Variants in PGM5 observed in about 807,000 individuals in gnomAD.
PGM5 encodes the protein phosphoglucomutase 5.
In PGM5, 23 loss-of-function variants were observed where a neutral mutation model predicts 59.2. The ratio of observed to expected loss-of-function variants is 0.39; its 90% CI spans 0.28 to 0.55. The LOEUF is 0.55. Among genes scored for constraint, PGM5 ranks in the 20% least tolerant of loss-of-function variants. PGM5 has a pLI of 0.66. For missense variants in PGM5, 574 were observed against 748.3 expected (o/e 0.77, Z 2.72); for synonymous variants, 214 against 286.0 (o/e 0.75, Z 2.54).
At chr9:68,511,550 T>TC (rs1824750709) in intron 10 of PGM5, among the ~76,000 whole-genome samples, 1 of 111,524 alleles carries the variant, frequency 9.0e-6, no homozygotes, top group African/African-American at 3.2e-5. Context: ...TTTGCCTTTT[T>TC]TTTTTTTTTT....
At chr9:68,423,930 T>C (rs1823191018) in intron 6 of PGM5, among the ~76,000 whole-genome samples, 1 of 152,176 alleles carries the variant, frequency 6.6e-6, no homozygotes. Flanking sequence ...AAGACTGGGC[T>C]GAATTTGAGG....
At chr9:68,503,737 G>A (rs964006598) in intron 10 of PGM5, among the ~76,000 whole-genome samples, 11 of 152,326 alleles carry the variant, frequency 7.2e-5, no homozygotes, top group African/African-American at 2.4e-4. Context: ...TCAGCTCAGA[G>A]GTTCTCAACC....
At chr9:68,490,001 G>T (rs1344621089) in intron 9 of PGM5, among the ~76,000 whole-genome samples, 6 of 152,202 alleles carry the variant, frequency 3.9e-5, no homozygotes, top group Non-Finnish European at 8.8e-5. Context: ...CAGAGAAAAA[G>T]CACACTTTGA....
intron 1 of PGM5, among the ~76,000 whole-genome samples, chr9:68,370,664 G>A (rs1554677088): frequency 6.6e-6 from 1 of 152,172 alleles, no homozygotes. Context: ...ATCTTTCTTT[G>A]GACACTGGTC....
chr9:68,402,705 G>C (rs1822703487), intron 6 of PGM5, among the ~76,000 whole-genome samples: 1 of 152,194 alleles, frequency 6.6e-6, no homozygotes, highest in South Asian at 2.1e-4. Flanking sequence ...GCTTTGTGAA[G>C]CCACCAGAGA....
intron 1 of PGM5, chr9:68,357,810 C>T (rs1834494613): frequency 8.0e-6 from 2 of 250,992 alleles, no homozygotes; most frequent in African/African-American, 4.7e-5. Context: ...AAACTTCTTT[C>T]GCAGGCTCAC....
chr9:68,439,559 A>T (rs925655590), intron 6 of PGM5, among the ~76,000 whole-genome samples: 6 of 147,322 alleles, frequency 4.1e-5, no homozygotes, highest in South Asian at 4.2e-4. Context: ...TTCTCAGAAG[A>T]TGATCAAACA....
In PGM5 at chr9:68,465,106, A is replaced by G. The variant is rs781910120; in HGVS notation, c.1057A>G (p.Met353Val). The change falls in exon 7 of 11, where the codon ATG becomes GTG. Residue 353 changes from methionine (M) to valine (V), a missense_variant. Physicochemically the swap from Met to Val is conservative, Grantham distance 21. This residue lies in a region of PGM5 where 300 missense variants were observed against 280.0 expected (regional missense o/e 1.07). Transcript: ENST00000396396. ...TTCATTTTTCAGAGTGGCCAAATCA[A>G]TGAAGGTCCCTGTATATGAGACCCC... is the stretch of plus-strand genomic sequence containing the variant. ...SMALDRVAKS[M>V]KVPVYETPAG... The G allele has an allele frequency of 3.8e-5, 61 of 1,605,358 alleles. 1 individual carries two copies. In the South Asian group the frequency reaches 5.2e-4, roughly 14 times the overall value.
chr9:68,404,333 TG>T (rs1822748705), intron 6 of PGM5, among the ~76,000 whole-genome samples: 2 of 152,318 alleles, frequency 1.3e-5, no homozygotes, highest in South Asian at 4.1e-4. Flanking sequence ...TTTGCCATGT[TG>T]GCCAGGCTGG....
chr9:68,485,541 G>A (rs539484064), intron 9 of PGM5, among the ~76,000 whole-genome samples: 4 of 152,268 alleles, frequency 2.6e-5, no homozygotes, highest in South Asian at 2.1e-4. Flanking sequence ...ACATGTGTTT[G>A]CTCCTCCCTC....
At chr9:68,527,232 A>G (rs968199857) in intron 10 of PGM5, among the ~76,000 whole-genome samples, 1 of 152,230 alleles carries the variant, frequency 6.6e-6, no homozygotes, top group African/African-American at 2.4e-5. Context: ...ATTTACAATG[A>G]TGTAAAACTG....
At chr9:68,415,939 T>C (rs1554681948) in intron 6 of PGM5, among the ~76,000 whole-genome samples, 1 of 151,700 alleles carries the variant, frequency 6.6e-6, no homozygotes, top group Non-Finnish European at 1.5e-5. Flanking sequence ...ATAGAAATTA[T>C]GTTTTCTGGG....
intron 6 of PGM5, among the ~76,000 whole-genome samples, chr9:68,439,446 A>C (rs1005682869): frequency 1.1e-4 from 16 of 146,422 alleles, no homozygotes; most frequent in East Asian, 1.9e-4. Context: ...TATATATTAT[A>C]TATGTAAAAT....
chr9:68,504,712 T>C (rs1264445787), intron 10 of PGM5, among the ~76,000 whole-genome samples: 1 of 152,032 alleles, frequency 6.6e-6, no homozygotes, highest in Non-Finnish European at 1.5e-5. Context: ...TCATCATATA[T>C]ATATATATTT....
chr9:68,481,692 A>G (rs1824198905), intron 8 of PGM5, among the ~76,000 whole-genome samples: 1 of 152,250 alleles, frequency 6.6e-6, no homozygotes, highest in African/African-American at 2.4e-5. Context: ...CCAAGAGCTT[A>G]CATGATAATT....
chr9:68,445,451 T>C (rs1339729333), intron 6 of PGM5, among the ~76,000 whole-genome samples: 2 of 152,210 alleles, frequency 1.3e-5, no homozygotes, highest in Admixed American at 1.3e-4. Context: ...CAACTGGACA[T>C]ACCCTTTGAA....
At chr9:68,415,326 A>G (rs1554681891) in intron 6 of PGM5, among the ~76,000 whole-genome samples, 3 of 149,582 alleles carry the variant, frequency 2.0e-5, no homozygotes, top group Non-Finnish European at 4.4e-5. Context: ...GGTTGTTCTG[A>G]GAGGCAGTGA....
intron 7 of PGM5, among the ~76,000 whole-genome samples, chr9:68,477,483 G>T (rs1313899003): frequency 6.6e-6 from 1 of 152,160 alleles, no homozygotes; most frequent in Non-Finnish European, 1.5e-5. Flanking sequence ...CGTCTCCCTT[G>T]TTGGTTTTCC....
chr9:68,381,463 T>C (rs187002141), intron 2 of PGM5, among the ~76,000 whole-genome samples: 59 of 152,062 alleles, frequency 3.9e-4, no homozygotes, highest in African/African-American at 1.3e-3. Context: ...ATTTAGTACA[T>C]GGCAGGGATG....
Sources: allele counts gnomAD v4.1 joint callset (sites outside exome capture counted in the v4.1 genomes callset), GRCh38; gene constraint gnomAD v4.1.1; regional missense constraint gnomAD v4.1.1; transcripts MANE v1.5; gene names NCBI Gene and HGNC (gene_info 2026-07-23, HGNC 2026-07-21).